The following CEP128 variants were observed in gnomAD, a reference collection of about 807,000 sequenced individuals.
CEP128 encodes the protein centrosomal protein 128.
A neutral mutation model predicts 156.7 loss-of-function variants in CEP128; 132 were observed. The ratio of observed to expected loss-of-function variants is 0.84; its 90% CI spans 0.73 to 0.97. CEP128 has a LOEUF of 0.97. Among genes scored for constraint, CEP128 ranks in the 50% least tolerant of loss-of-function variants. CEP128 has a pLI of 0.00. For missense variants in CEP128, 1,252 were observed against 1,281.9 expected (o/e 0.98, Z 0.36); for synonymous variants, 469 against 448.9 (o/e 1.04, Z -0.57).
chr14:80,827,687 C>A (rs912634546), intron 13 of CEP128, among the ~76,000 whole-genome samples: 1 of 151,978 alleles, frequency 6.6e-6, no homozygotes, highest in Non-Finnish European at 1.5e-5. Context: ...AACAAACAAC[C>A]CTTAAGGCAT....
intron 13 of CEP128, among the ~76,000 whole-genome samples, chr14:80,804,854 T>G (rs1037418515): frequency 2.0e-5 from 3 of 152,086 alleles, no homozygotes; most frequent in Non-Finnish European, 4.4e-5. Flanking sequence ...ATTACTGATG[T>G]GTGTATATGT....
At chr14:80,529,080 A>T (rs1889107784) in intron 22 of CEP128, among the ~76,000 whole-genome samples, 1 of 152,150 alleles carries the variant, frequency 6.6e-6, no homozygotes, top group Non-Finnish European at 1.5e-5. Flanking sequence ...ATTAGATCCC[A>T]CCTCCAGCTA....
chr14:80,504,674 A>G (rs1370847504), intron 24 of CEP128, among the ~76,000 whole-genome samples: 4 of 152,216 alleles, frequency 2.6e-5, no homozygotes, highest in Non-Finnish European at 5.9e-5. Context: ...TAAGATTTTC[A>G]CCTTGGGTGG....
intron 16 of CEP128, among the ~76,000 whole-genome samples, chr14:80,767,925 T>A (rs901515727): frequency 6.6e-6 from 1 of 152,150 alleles, no homozygotes; most frequent in Non-Finnish European, 1.5e-5. Context: ...TGTCTCCTCA[T>A]CAGACTGTGA....
At chr14:80,616,504 G>T (rs1364779518) in intron 19 of CEP128, among the ~76,000 whole-genome samples, 4 of 151,580 alleles carry the variant, frequency 2.6e-5, no homozygotes, top group Non-Finnish European at 4.4e-5. Flanking sequence ...TCTTGGTTAT[G>T]CTAAATTACC....
chr14:80,576,649 GTGTGTC>G (rs1177735498), intron 20 of CEP128, among the ~76,000 whole-genome samples: 23 of 127,166 alleles, frequency 1.8e-4, no homozygotes, highest in Admixed American at 7.9e-4. Context: ...GTGTGTGTGT[GTGTGTC>G]TGTGTCTGTG....
chr14:80,514,703 TC>T, intron 23 of CEP128: 1 of 417,284 alleles, frequency 2.4e-6, no homozygotes. Flanking sequence ...TTTTTGTCAC[TC>T]CAGTATCAGT....
At chr14:80,912,876 G>A (rs1054033073) in intron 4 of CEP128, among the ~76,000 whole-genome samples, 9 of 152,010 alleles carry the variant, frequency 5.9e-5, no homozygotes, top group African/African-American at 1.7e-4. Context: ...TGTTTCCAAT[G>A]ATAGGTACAT....
chr14:80,878,383 G>A (rs147890635), intron 8 of CEP128, among the ~76,000 whole-genome samples: 11 of 152,300 alleles, frequency 7.2e-5, no homozygotes, highest in African/African-American at 2.6e-4. Flanking sequence ...AAGGAATGGA[G>A]TCATCTCTGT....
At chr14:80,822,927 T>C (rs1885268561) in intron 13 of CEP128, 7 of 471,174 alleles carry the variant, frequency 1.5e-5, no homozygotes, top group Non-Finnish European at 3.9e-6. Context: ...CACAGAACAC[T>C]TCATTGTTGT....
At chr14:80,759,701 AAGT>A (rs1899855314) in intron 17 of CEP128, among the ~76,000 whole-genome samples, 1 of 152,174 alleles carries the variant, frequency 6.6e-6, no homozygotes, top group Non-Finnish European at 1.5e-5. Flanking sequence ...CTAGGGGAAG[AAGT>A]GTAAAACCCA....
chr14:80,825,452 G>A (rs1208624395), intron 13 of CEP128, among the ~76,000 whole-genome samples: 1 of 151,894 alleles, frequency 6.6e-6, no homozygotes, highest in African/African-American at 2.4e-5. Flanking sequence ...AAATTATTAC[G>A]GTTTCAGAAA....
At chr14:80,549,608 G>A (rs1890128454) in intron 21 of CEP128, among the ~76,000 whole-genome samples, 1 of 152,182 alleles carries the variant, frequency 6.6e-6, no homozygotes, top group African/African-American at 2.4e-5. Flanking sequence ...ATACTTAGGA[G>A]AAGCATTGCA....
chr14:80,736,093 T>C (rs1174381178), intron 19 of CEP128, among the ~76,000 whole-genome samples: 2 of 152,102 alleles, frequency 1.3e-5, no homozygotes, highest in African/African-American at 2.4e-5. Context: ...AGGCAGGCAT[T>C]ATCATTTTGT....
intron 14 of CEP128, among the ~76,000 whole-genome samples, chr14:80,485,233 T>C (rs989196060): frequency 6.6e-6 from 1 of 152,144 alleles, no homozygotes; most frequent in Admixed American, 6.5e-5. Flanking sequence ...AAGTAAAGGT[T>C]GCCCAAAAAC....
rs147512936 is a variant in CEP128, at chr14:80,618,271, C to T, written c.2807-37848G>A. ...TCATCAAGCAATTATGATGTTACAA[C>T]AAACAATCTATTATAACATAAAGAA... On this transcript the variant is annotated intron_variant, in intron 19 of 24. Coordinates refer to ENST00000555265, the MANE Select transcript of CEP128 (RefSeq NM_152446.5). Among the ~76,000 whole-genome samples, 640 of 152,228 alleles carry T rather than the reference C, an allele frequency of 4.2e-3. 3 individuals carry two copies. Among genetic ancestry groups the T allele is most frequent in the African/African-American group, 0.015 (608 of 41,526 alleles).
intron 21 of CEP128, among the ~76,000 whole-genome samples, chr14:80,538,546 A>G (rs1386224176): frequency 6.6e-6 from 1 of 152,168 alleles, no homozygotes. Flanking sequence ...AACTATTAAC[A>G]TTATGTTTTA....
intron 2 of CEP128, chr14:80,957,718 T>C (rs1010225653): frequency 1.3e-5 from 2 of 151,886 alleles, no homozygotes; most frequent in African/African-American, 4.8e-5. Context: ...GGAACAGGAG[T>C]CAGGAAACCA....
At chr14:80,869,931 C>T (rs1417783830) in intron 8 of CEP128, among the ~76,000 whole-genome samples, 1 of 151,874 alleles carries the variant, frequency 6.6e-6, no homozygotes, top group African/African-American at 2.4e-5. Flanking sequence ...CAAATGATAC[C>T]ACAAAAATAC....
Sources: gnomAD v4.1 joint callset for allele counts (sites outside exome capture counted in the v4.1 genomes callset) on GRCh38, gnomAD v4.1.1 for gene constraint, MANE v1.5 for transcripts, NCBI Gene and HGNC (gene_info 2026-07-23, HGNC 2026-07-21) for gene names.